Variants in DPY19L3 observed in about 807,000 individuals in gnomAD.
DPY19L3 encodes the protein dpy-19 like C-mannosyltransferase 3.
DPY19L3 carries 51 observed loss-of-function variants against 92.3 expected under a neutral mutation model. The observed-to-expected ratio is 0.55, with a 90% CI of 0.44 to 0.70. The LOEUF is 0.70. Ranked by LOEUF, DPY19L3 falls within the 30% of genes least tolerant of loss-of-function variation. The probability of loss-of-function intolerance (pLI) is 0.00; values close to 1 mark genes in which losing one functional copy is unlikely to be tolerated. For synonymous variants in DPY19L3, 309 were observed against 315.2 expected (o/e 0.98, Z 0.21); for missense variants, 706 against 855.9 (o/e 0.82, Z 2.18).
chr19:32,417,812 G>A (rs902232364), intron 3 of DPY19L3, among the ~76,000 whole-genome samples: 3 of 152,158 alleles, frequency 2.0e-5, no homozygotes, highest in African/African-American at 7.2e-5. Flanking sequence ...TTAGAAGCAT[G>A]AGGAATGGAC....
At chr19:32,422,642 ACACACACACAC>A (rs1968613100) in intron 3 of DPY19L3, among the ~76,000 whole-genome samples, 3 of 151,682 alleles carry the variant, frequency 2.0e-5, no homozygotes, top group African/African-American at 7.3e-5. Context: ...ACACACACAC[ACACACACACAC>A]ACACACACGT....
intron 17 of DPY19L3, among the ~76,000 whole-genome samples, chr19:32,480,190 C>T (rs1970629782): frequency 6.6e-6 from 1 of 152,214 alleles, no homozygotes. Flanking sequence ...GGCTCACTCT[C>T]TTCCCAAGGC....
intron 3 of DPY19L3, 126 bp downstream of exon 3, chr19:32,411,498 A>G (rs10410770): frequency 0.17 from 142,407 of 820,874 alleles, 12,074 homozygotes; most frequent in South Asian, 0.19. Context: ...AGGTTGGACT[A>G]TAGAGTGAAA....
At chr19:32,409,631 C>T (rs1346510362) in intron 2 of DPY19L3, among the ~76,000 whole-genome samples, 1 of 152,182 alleles carries the variant, frequency 6.6e-6, no homozygotes, top group Non-Finnish European at 1.5e-5. Flanking sequence ...AGCATGGCAC[C>T]AGCATCTGCC....
rs1969896664 is a variant in DPY19L3, at chr19:32,457,313, T to G, written c.1090-787T>G. 3.9e-5 allele frequency among the ~76,000 whole-genome samples: 6 copies of G among 152,360 alleles called. No homozygotes were observed. The South Asian group carries it at 1.2e-3, about 32-fold the overall frequency. ...TCTCAGTTCTAGGACTGTTAAGATC[T>G]CTTCCGAGCAACTGTTTTGTTTTAC... On this transcript the variant is annotated intron_variant, in intron 10 of 18. Coordinates refer to ENST00000392250, the MANE Select transcript of DPY19L3 (RefSeq NM_001172774.2).
chr19:32,474,634 A>G (rs1264326971), intron 16 of DPY19L3, among the ~76,000 whole-genome samples: 2 of 152,096 alleles, frequency 1.3e-5, no homozygotes, highest in Non-Finnish European at 2.9e-5. Context: ...TCTGTTGCCC[A>G]GGCTGGAGTG....
chr19:32,417,836 C>T (rs1023249596), intron 3 of DPY19L3, among the ~76,000 whole-genome samples: 3 of 152,150 alleles, frequency 2.0e-5, no homozygotes, highest in African/African-American at 4.8e-5. Context: ...TACAAGGTTA[C>T]CTCCCCGTAA....
chr19:32,480,309 G>A, intron 17 of DPY19L3, 90 bp from the exon 18 acceptor site: 1 of 1,438,464 alleles, frequency 7.0e-7, no homozygotes, highest in Non-Finnish European at 9.4e-7. Flanking sequence ...TTAGGTCTTA[G>A]ACTCAGCCCT....
intron 3 of DPY19L3, among the ~76,000 whole-genome samples, chr19:32,422,170 C>G (rs1015156411): frequency 1.3e-5 from 2 of 152,158 alleles, no homozygotes; most frequent in African/African-American, 4.8e-5. Flanking sequence ...AAGAGAACAA[C>G]AAGCAGACAT....
chr19:32,474,181 G>C (rs537442856), intron 16 of DPY19L3, among the ~76,000 whole-genome samples: 1 of 152,262 alleles, frequency 6.6e-6, no homozygotes, highest in Non-Finnish European at 1.5e-5. Flanking sequence ...CAAGTCCTCA[G>C]TGAAAGAGTA....
chr19:32,438,390 A>G (rs1169162321), intron 6 of DPY19L3, among the ~76,000 whole-genome samples: 3 of 152,172 alleles, frequency 2.0e-5, no homozygotes, highest in Non-Finnish European at 4.4e-5. Flanking sequence ...GAGGCTTTAA[A>G]GGTTACATTT....
At chr19:32,427,433 C>T (rs1274365038) in intron 3 of DPY19L3, among the ~76,000 whole-genome samples, 1 of 152,186 alleles carries the variant, frequency 6.6e-6, no homozygotes, top group African/African-American at 2.4e-5. Flanking sequence ...ATCACTCTTT[C>T]TTTTTAGTCT....
intron 16 of DPY19L3, among the ~76,000 whole-genome samples, chr19:32,472,348 C>T (rs975571038): frequency 2.0e-5 from 3 of 152,078 alleles, no homozygotes; most frequent in African/African-American, 7.2e-5. Context: ...AGCCGCCTTC[C>T]CTAAGAGCTG....
At chr19:32,411,869 ATCTT>A (rs1458615137) in intron 3 of DPY19L3, 1 of 153,232 alleles carries the variant, frequency 6.5e-6, no homozygotes, top group African/African-American at 2.4e-5. Context: ...TCCAGCCAGA[ATCTT>A]TATTTTTCAT....
At chr19:32,481,919 G>A in intron 18 of DPY19L3, 160 bp from the exon 19 acceptor site, 1 of 749,790 alleles carries the variant, frequency 1.3e-6, no homozygotes, top group Non-Finnish European at 2.1e-6. Flanking sequence ...AGGGGGAAAA[G>A]GATGGCCCTG....
At chr19:32,466,469 G>A (rs1037643391) in intron 15 of DPY19L3, among the ~76,000 whole-genome samples, 2 of 152,202 alleles carry the variant, frequency 1.3e-5, no homozygotes, top group East Asian at 1.9e-4. Flanking sequence ...GGGCGGGGGC[G>A]GTCCTGTGTG....
chr19:32,424,541 G>A (rs1003036730), intron 3 of DPY19L3, among the ~76,000 whole-genome samples: 3 of 151,804 alleles, frequency 2.0e-5, no homozygotes, highest in Admixed American at 6.6e-5. Flanking sequence ...GCAATGGGAT[G>A]ATCACCTGAG....
chr19:32,436,379 A>C, intron 4 of DPY19L3, 67 bp from the exon 5 acceptor site: 1 of 1,247,870 alleles, frequency 8.0e-7, no homozygotes, highest in Admixed American at 2.5e-5. Flanking sequence ...CAATCTGTGC[A>C]TAGTTTTGAA....
rs1244440528 is a variant in DPY19L3, at chr19:32,471,892, CTAATTTA to C, written c.1697+3083_1697+3089del. On this transcript the variant is annotated intron_variant, in intron 16 of 18. Transcript: ENST00000392250. The stretch of plus-strand genomic sequence containing the variant: ...CCTGTGAAGACTCTTAAAGCCTTAA[CTAATTTA>C]TAAAGTTATTTCACATCTGAAGTTG... 5.3e-5 allele frequency among the ~76,000 whole-genome samples: 8 copies of C among 152,294 alleles called. No homozygotes were observed. In the East Asian group the frequency reaches 1.5e-3, roughly 29 times the overall value.
Sources: allele counts gnomAD v4.1 joint callset (sites outside exome capture counted in the v4.1 genomes callset), GRCh38; gene constraint gnomAD v4.1.1; transcripts MANE v1.5; gene names NCBI Gene and HGNC (gene_info 2026-07-23, HGNC 2026-07-21).